Variants in BARD1 observed in about 807,000 individuals in gnomAD.
The protein encoded by BARD1 is BRCA1-associated RING domain protein 1.
In BARD1, 73 loss-of-function variants were observed where a neutral mutation model predicts 77.0. The ratio of observed to expected loss-of-function variants is 0.95; its 90% confidence interval spans 0.79 to 1.15. The LOEUF is 1.15. Ranked by LOEUF, BARD1 falls within the 50% of genes most tolerant of loss-of-function variation. The pLI is 0.00. For synonymous variants in BARD1, 384 were observed against 338.0 expected (o/e 1.14, Z -1.49); for missense variants, 993 against 938.8 (o/e 1.06, Z -0.75).
chr2:214,730,275 C>A, intron 10 of BARD1, 136 bp downstream of exon 10: 1 of 736,706 alleles, frequency 1.4e-6, no homozygotes, highest in Non-Finnish European at 2.4e-6. Context: ...CTTTCAGAAT[C>A]AAGTGCTTGA....
chr2:214,807,737 T>TGAGGCTGA (rs11281926), intron 1 of BARD1, among the ~76,000 whole-genome samples: 1 of 151,638 alleles, frequency 6.6e-6, no homozygotes, highest in South Asian at 2.1e-4. Context: ...ATCCGGAAAA[T>TGAGGCTGA]GAGAGATGAA....
chr2:214,803,575 T>C (rs563156982), intron 1 of BARD1, among the ~76,000 whole-genome samples: 1 of 152,342 alleles, frequency 6.6e-6, no homozygotes, highest in East Asian at 1.9e-4. Context: ...CTTGTCTATG[T>C]TGCAAAGACC....
intron 8 of BARD1, among the ~76,000 whole-genome samples, 192 bp downstream of exon 8, chr2:214,745,530 T>C (rs1177158741): frequency 2.0e-5 from 3 of 152,220 alleles, no homozygotes; most frequent in Non-Finnish European, 4.4e-5. Flanking sequence ...CTTTAAACTT[T>C]ACATTTCCTA....
chr2:214,742,371 G>A (rs929653783), intron 9 of BARD1, among the ~76,000 whole-genome samples: 1 of 152,128 alleles, frequency 6.6e-6, no homozygotes, highest in Non-Finnish European at 1.5e-5. Flanking sequence ...TTGACACTGA[G>A]AACAGTATAG....
Position 214,747,075 on chromosome 2 carries a change from C to T in BARD1, c.1678-1221G>A, listed in dbSNP as rs574640318. On this transcript the variant is annotated intron_variant, in intron 7 of 10. Transcript: ENST00000260947. ...TGAACAGACACTTCTCAAAAGAAGA[C>T]ATTTATGCAGCCAAAAAACACATGA... Among the ~76,000 whole-genome samples the T allele has an allele frequency of 4.0e-4, 61 of 151,926 alleles. 1 individual carries two copies. Among genetic ancestry groups the T allele is most frequent in the Middle Eastern group, 3.4e-3 (1 of 294 alleles).
intron 4 of BARD1, among the ~76,000 whole-genome samples, chr2:214,778,462 A>G (rs1348832359): frequency 6.6e-6 from 1 of 152,162 alleles, no homozygotes; most frequent in Non-Finnish European, 1.5e-5. Context: ...AATGGATTTA[A>G]TAATTCCGGC....
At chr2:214,789,463 T>C (rs913021197) in intron 3 of BARD1, among the ~76,000 whole-genome samples, 1 of 151,934 alleles carries the variant, frequency 6.6e-6, no homozygotes, top group Non-Finnish European at 1.5e-5. Context: ...GAGGATCTCT[T>C]GAACCCAGGA....
At chr2:214,763,244 T>A (rs2106065902) in intron 6 of BARD1, among the ~76,000 whole-genome samples, 2 of 152,314 alleles carry the variant, frequency 1.3e-5, no homozygotes, top group Admixed American at 1.3e-4. Flanking sequence ...AAGCCTTCTG[T>A]GACTTCCTCT....
chr2:214,786,934 C>A (rs1224972155), intron 3 of BARD1, among the ~76,000 whole-genome samples: 1 of 151,822 alleles, frequency 6.6e-6, no homozygotes, highest in Non-Finnish European at 1.5e-5. Context: ...ATTTCAAAAC[C>A]AAGTCACTTC....
intron 6 of BARD1, among the ~76,000 whole-genome samples, chr2:214,761,301 A>C (rs1693953093): frequency 6.6e-6 from 1 of 152,040 alleles, no homozygotes; most frequent in Non-Finnish European, 1.5e-5. Flanking sequence ...AAAAAAAAAA[A>C]AGCATTCTGA....
chr2:214,767,692 TAAGA>T (rs1559410306), intron 5 of BARD1, 38 bp from the exon 6 acceptor site: 2 of 1,566,152 alleles, frequency 1.3e-6, no homozygotes, highest in South Asian at 1.1e-5. Flanking sequence ...AAAGAAGTGA[TAAGA>T]AAGAGCAATG....
intron 2 of BARD1, among the ~76,000 whole-genome samples, chr2:214,795,194 G>A (rs531049412): frequency 7.2e-5 from 11 of 152,292 alleles, no homozygotes; most frequent in African/African-American, 1.4e-4. Context: ...CATGGGAGGC[G>A]TTTTGGAGGC....
intron 10 of BARD1, among the ~76,000 whole-genome samples, chr2:214,730,024 T>C: frequency 6.6e-6 from 1 of 152,336 alleles, no homozygotes; most frequent in Non-Finnish European, 1.5e-5. Flanking sequence ...TTGTGACTTC[T>C]AATATACTTA....
chr2:214,749,183 G>GAA (rs5838469), intron 7 of BARD1, among the ~76,000 whole-genome samples: 4 of 140,250 alleles, frequency 2.9e-5, no homozygotes, highest in African/African-American at 5.3e-5. Context: ...CTAGTTCCTG[G>GAA]AAAAAAAAAA....
chr2:214,801,849 C>CG (rs11457040), intron 1 of BARD1, among the ~76,000 whole-genome samples: 60,372 of 111,690 alleles, frequency 0.54, 18,806 homozygotes, highest in East Asian at 0.88. Context: ...AAATATTTGG[C>CG]GGGGGGGGGG....
At chr2:214,802,069 A>G (rs1000293460) in intron 1 of BARD1, among the ~76,000 whole-genome samples, 7 of 152,060 alleles carry the variant, frequency 4.6e-5, no homozygotes, top group Non-Finnish European at 1.0e-4. Context: ...CAGGCTTGAA[A>G]ACTAAATATT....
chr2:214,777,319 C>G (rs1445876931), intron 4 of BARD1, among the ~76,000 whole-genome samples: 1 of 151,994 alleles, frequency 6.6e-6, no homozygotes, highest in Non-Finnish European at 1.5e-5. Context: ...TAGTTTGGGG[C>G]AAGGTATTAT....
chr2:214,785,044 G>GTA, intron 3 of BARD1, among the ~76,000 whole-genome samples: 1 of 149,038 alleles, frequency 6.7e-6, no homozygotes, highest in African/African-American at 2.5e-5. Flanking sequence ...AAGAAAGAAA[G>GTA]CCATTTGTTC....
At chr2:214,781,668 TTCAC>T (rs1405209385) in intron 3 of BARD1, among the ~76,000 whole-genome samples, 159 bp from the exon 4 acceptor site, 1 of 152,170 alleles carries the variant, frequency 6.6e-6, no homozygotes, top group African/African-American at 2.4e-5. Context: ...ATAGCAGATA[TTCAC>T]TCATTCAATA....
Sources: allele counts gnomAD v4.1 joint callset (sites outside exome capture counted in the v4.1 genomes callset), GRCh38; gene constraint gnomAD v4.1.1; transcripts MANE v1.5; gene names NCBI Gene and HGNC (gene_info 2026-07-23, HGNC 2026-07-21).